GCA: variants seen among roughly 807,000 people sequenced by gnomAD.
GCA encodes grancalcin, EF-hand calcium-binding protein.
A neutral mutation model predicts 32.6 loss-of-function variants in GCA; 30 were observed. The ratio of observed to expected loss-of-function variants is 0.92; its 90% CI spans 0.69 to 1.25. The LOEUF (loss-of-function observed/expected upper bound fraction) is 1.25, where lower values mean the gene tolerates loss of function less well. GCA is among the 50% of genes most tolerant of loss of function. The pLI is 0.00. For synonymous variants in GCA, 102 were observed against 84.6 expected (o/e 1.21, Z -1.13); for missense variants, 291 against 266.8 (o/e 1.09, Z -0.63).
At chr2:162,356,731 AT>A in intron 4 of GCA, 26 bp from the exon 5 acceptor site, 1 of 1,548,038 alleles carries the variant, frequency 6.5e-7, no homozygotes, top group Non-Finnish European at 8.9e-7. Context: ...AGGTATCAGA[AT>A]TTATTTTTGT....
chr2:162,332,916 C>T (rs2105277900), intron 1 of GCA, among the ~76,000 whole-genome samples: 1 of 152,068 alleles, frequency 6.6e-6, no homozygotes, highest in South Asian at 2.1e-4. Flanking sequence ...CATCTGTACT[C>T]CAAAAAGAGT....
At chr2:162,366,612 T>A (rs1290960829), downstream of GCA, among the ~76,000 whole-genome samples, 3 of 151,912 alleles carry the variant, frequency 2.0e-5, no homozygotes. Context: ...CCTAATACTT[T>A]ACATTTGAAA....
intron 3 of GCA, among the ~76,000 whole-genome samples, chr2:162,354,252 A>G (rs768640917): frequency 5.3e-5 from 8 of 152,084 alleles, no homozygotes; most frequent in Non-Finnish European, 1.2e-4. Flanking sequence ...GCTTCACTGT[A>G]TGGTGATTTG....
chr2:162,360,995 A>G lies in GCA; in HGVS notation c.*752A>G. On this transcript the variant is annotated 3_prime_UTR_variant, in exon 8 of 8. Transcript: ENST00000437150. ...AAATGGCATCCTGCTCTGAATCTAG[A>G]CTTTTTAGAAATGGCATATGTTTTT... is the stretch of plus-strand genomic sequence containing the variant. The G allele has an allele frequency of 9.3e-7, 1 of 1,075,402 alleles. No individual in the cohort carries two copies. The highest frequency in any genetic ancestry group is 1.1e-6 in the Non-Finnish European group (1 of 880,050). 66.6% of individuals were successfully genotyped at this position (1,075,402 alleles called of 1,614,324 possible).
At chr2:162,373,707 A>C (rs746666301), downstream of GCA, 1 of 1,321,786 alleles carries the variant, frequency 7.6e-7, no homozygotes. Flanking sequence ...AAAATAGTCC[A>C]GAATTTCAGG....
intron 1 of GCA, among the ~76,000 whole-genome samples, chr2:162,322,113 G>C (rs1683694902): frequency 6.7e-6 from 1 of 149,624 alleles, no homozygotes; most frequent in African/African-American, 2.5e-5. Context: ...AAAAATTATG[G>C]CTAAGTTCAC....
chr2:162,343,901 T>A (rs138331897), upstream of GCA, among the ~76,000 whole-genome samples: 109 of 152,096 alleles, frequency 7.2e-4, no homozygotes, highest in African/African-American at 2.4e-3. Flanking sequence ...TCTTCGGGAT[T>A]TAGAAGGAGA....
intron 4 of GCA, among the ~76,000 whole-genome samples, chr2:162,370,949 A>G (rs1685911580): frequency 6.6e-6 from 1 of 151,988 alleles, no homozygotes; most frequent in African/African-American, 2.4e-5. Flanking sequence ...CATTTTTTGT[A>G]GAGGTGGGGT....
intron 1 of GCA, among the ~76,000 whole-genome samples, chr2:162,336,371 T>A (rs537399895): frequency 6.6e-6 from 1 of 152,234 alleles, no homozygotes; most frequent in East Asian, 1.9e-4. Context: ...ATTTGATCTT[T>A]GTTATCTATA....
chr2:162,340,208 C>T (rs940334390), upstream of GCA, among the ~76,000 whole-genome samples: 1 of 152,102 alleles, frequency 6.6e-6, no homozygotes, highest in African/African-American at 2.4e-5. Flanking sequence ...GGTTGGTAGG[C>T]ACCCTCACCA....
At chr2:162,324,231 G>A (rs1576252606) in intron 1 of GCA, among the ~76,000 whole-genome samples, 1 of 152,212 alleles carries the variant, frequency 6.6e-6, no homozygotes, top group Non-Finnish European at 1.5e-5. Flanking sequence ...CAAGGACAGA[G>A]GGCTTTCTGT....
chr2:162,366,822 T>G (rs889674062), downstream of GCA, among the ~76,000 whole-genome samples: 1 of 151,990 alleles, frequency 6.6e-6, no homozygotes, highest in Admixed American at 6.6e-5. Flanking sequence ...CTATCTATAC[T>G]GGCTTTCGCC....
intron 1 of GCA, among the ~76,000 whole-genome samples, chr2:162,333,337 A>C (rs1220360027): frequency 5.9e-5 from 9 of 152,160 alleles, no homozygotes; most frequent in Admixed American, 1.3e-4. Context: ...ATGTAAATGT[A>C]TACTGCATAT....
At position 162,356,798 on chromosome 2, in the gene GCA, A is replaced by G; in HGVS notation, c.347A>G (p.Glu116Gly). ...AAAATGGGATTTAATGCATTCAAAG[A>G]GCTATGGGCAGCTCTTAATGCCTGG... The part of the protein sequence containing the change: ...TGKMGFNAFK[E>G]LWAALNAWKE... Residue 116 changes from glutamate to glycine, a missense_variant, in exon 5 of 8, where the codon GAG (glutamate) becomes GGG (glycine). By Grantham distance (98) the Glu-to-Gly change is moderately conservative. Transcript: ENST00000437150. The G allele has an allele frequency of 6.2e-7, 1 of 1,608,464 alleles. No individual in the cohort carries two copies. Among genetic ancestry groups the G allele is most frequent in the Non-Finnish European group, 8.5e-7 (1 of 1,175,692 alleles).
downstream of GCA, chr2:162,373,511 C>T (rs1281727062): frequency 1.9e-6 from 3 of 1,573,446 alleles, no homozygotes; most frequent in East Asian, 4.8e-5. Context: ...TTGATGGATG[C>T]TTCCGGTTGA....
chr2:162,335,811 C>A lies in GCA; in HGVS notation c.-30-11767C>A, dbSNP rs537655313. Among the ~76,000 whole-genome samples the A allele has an allele frequency of 6.6e-5, 10 of 152,322 alleles. No homozygotes were observed. In the South Asian group the frequency reaches 1.9e-3, roughly 28 times the overall value. On this transcript the variant is annotated intron_variant, in intron 1 of 4. Coordinates refer to the GCA transcript ENST00000429691. ...TACTGTCAACAAATGAACTTGGAGT[C>A]AATTGTCAACCCCTTCGTTATTTAT...
At chr2:162,372,314 C>T (rs1685980687), downstream of GCA, among the ~76,000 whole-genome samples, 1 of 151,990 alleles carries the variant, frequency 6.6e-6, no homozygotes, top group Non-Finnish European at 1.5e-5. Context: ...TTATTTAACC[C>T]TGGAACCAGA....
Position 162,347,568 on chromosome 2 carries a change from A to C in GCA, c.28-10A>C. On this transcript the variant is annotated splice_polypyrimidine_tract_variant and intron_variant, in intron 1 of 7. Transcript: ENST00000437150. ...TATATTACTAACCTTCTCCCCTTTC[A>C]CTATTATAGTTTGGAAATTTTAGCA... 6.4e-7 allele frequency: 1 copy of C among 1,559,104 alleles called. No homozygotes were observed.
Position 162,359,066 on chromosome 2 carries a change from A to T in GCA, c.477A>T (p.Thr159=). ...TAGGTTATAGGTTGAGTCCTCAAACATTAACTACTATTGTTAAACGTTATA... is the reference window on the plus strand; with the variant it reads ...TAGGTTATAGGTTGAGTCCTCAAACTTTAACTACTATTGTTAAACGTTATA... The part of the protein sequence containing the change: ...GLMGYRLSPQ[T]LTTIVKRYSK... The change falls in exon 6 of 8, where the codon ACA becomes ACT. Residue 159 remains threonine, a synonymous_variant. Coordinates refer to ENST00000437150, the MANE Select transcript of GCA (RefSeq NM_012198.5). The T allele has an allele frequency of 6.3e-7, 1 of 1,583,598 alleles. No homozygotes were observed. Among genetic ancestry groups the T allele is most frequent in the Non-Finnish European group, 8.7e-7 (1 of 1,154,502 alleles).
Sources: gnomAD v4.1 joint callset for allele counts (sites outside exome capture counted in the v4.1 genomes callset) on GRCh38, gnomAD v4.1.1 for gene constraint, MANE v1.5 for transcripts, NCBI Gene and HGNC (gene_info 2026-07-23, HGNC 2026-07-21) for gene names.